Variants in ADAMTS12 observed in about 807,000 individuals in gnomAD.
ADAMTS12 encodes ADAM metallopeptidase with thrombospondin type 1 motif 12.
Under a neutral mutation model 167.8 loss-of-function variants are expected in ADAMTS12, and 118 were observed. The observed-to-expected ratio is 0.70, with a 90% CI of 0.61 to 0.82. ADAMTS12 has a LOEUF of 0.82. ADAMTS12 is among the 40% of genes least tolerant of loss of function. The probability of loss-of-function intolerance (pLI) is 0.00; values close to 1 mark genes in which losing one functional copy is unlikely to be tolerated. For missense variants in ADAMTS12, 1,916 were observed against 1,998.8 expected (o/e 0.96, Z 0.79); for synonymous variants, 704 against 716.9 (o/e 0.98, Z 0.29).
At chr5:33,528,649 A>C (rs1579622456) in intron 23 of ADAMTS12, among the ~76,000 whole-genome samples, 1 of 152,246 alleles carries the variant, frequency 6.6e-6, no homozygotes, top group East Asian at 1.9e-4. Flanking sequence ...CAGCTGATAA[A>C]TGGCATAGCC....
At chr5:33,784,628 C>T (rs1045839721) in intron 2 of ADAMTS12, among the ~76,000 whole-genome samples, 12 of 151,698 alleles carry the variant, frequency 7.9e-5, no homozygotes, top group African/African-American at 2.7e-4. Context: ...TACAAATTAA[C>T]GTTTAAGTCA....
chr5:33,627,558 G>A (rs1374218715), intron 13 of ADAMTS12, among the ~76,000 whole-genome samples: 2 of 151,980 alleles, frequency 1.3e-5, no homozygotes, highest in Non-Finnish European at 2.9e-5. Context: ...GAGGAGAGTT[G>A]AGAAAGACTC....
intron 3 of ADAMTS12, among the ~76,000 whole-genome samples, chr5:33,739,485 G>A (rs1744490812): frequency 6.6e-6 from 1 of 152,216 alleles, no homozygotes; most frequent in South Asian, 2.1e-4. Context: ...GCATGTGCAT[G>A]CATGTGTGCA....
At position 33,853,084 on chromosome 5, in the gene ADAMTS12, G is replaced by A. The variant is rs1195120523; in HGVS notation, c.489+28035C>T. ...CTGTCTGCATGGGTACTGTCCTCCC[G>A]GAACCGAGCAGGGAGCCTAATTCTT... is the stretch of plus-strand genomic sequence containing the variant. On this transcript the variant is annotated intron_variant, in intron 2 of 23. Coordinates refer to ENST00000504830, the MANE Select transcript of ADAMTS12 (RefSeq NM_030955.4). Among the ~76,000 whole-genome samples, 4 of 152,180 alleles carry A rather than the reference G, an allele frequency of 2.6e-5. No homozygotes were observed. The South Asian group carries it at 8.3e-4, about 32-fold the overall frequency.
chr5:33,857,771 A>G (rs975824859), intron 2 of ADAMTS12, among the ~76,000 whole-genome samples: 2 of 152,246 alleles, frequency 1.3e-5, no homozygotes, highest in African/African-American at 4.8e-5. Flanking sequence ...AACATTATAC[A>G]ATGATAACCA....
intron 2 of ADAMTS12, among the ~76,000 whole-genome samples, chr5:33,835,557 T>C (rs755949452): frequency 1.3e-4 from 20 of 152,218 alleles, no homozygotes; most frequent in Non-Finnish European, 2.5e-4. Flanking sequence ...TCCTAGTTCA[T>C]AGGTGGTACA....
At chr5:33,624,101 T>C in intron 14 of ADAMTS12, 130 bp downstream of exon 14, 2 of 1,404,674 alleles carry the variant, frequency 1.4e-6, no homozygotes, top group Non-Finnish European at 9.7e-7. Context: ...AAGGCTATAT[T>C]CCATTTTGAA....
chr5:33,547,248 G>C (rs983603684), intron 21 of ADAMTS12, among the ~76,000 whole-genome samples: 2 of 152,126 alleles, frequency 1.3e-5, no homozygotes, highest in Non-Finnish European at 2.9e-5. Flanking sequence ...GTTCTCAAAT[G>C]CTCCTCAGAC....
chr5:33,549,132 C>A lies in ADAMTS12; in HGVS notation c.4302+75G>T, dbSNP rs997273839. 7.8e-6 allele frequency: 12 copies of A among 1,531,664 alleles called. No individual in the cohort carries two copies. In the Admixed American group the frequency reaches 1.7e-4, roughly 21 times the overall value. 94.9% of individuals were successfully genotyped at this position (1,531,664 alleles called of 1,614,324 possible). A position where few individuals can be genotyped will look rare whatever the true frequency, so the allele number is the denominator to read the frequency against. ...CAGGTGTGGTCTTCCCTGATTTCTA[C>A]ACTTATGCAGTAACACAGAGATTCA... On this transcript the variant is annotated intron_variant, in intron 21 of 23. Coordinates refer to ENST00000504830, the MANE Select transcript of ADAMTS12 (RefSeq NM_030955.4).
At chr5:33,858,175 G>T (rs1749477055) in intron 2 of ADAMTS12, among the ~76,000 whole-genome samples, 1 of 152,168 alleles carries the variant, frequency 6.6e-6, no homozygotes, top group South Asian at 2.1e-4. Context: ...ATAACAGAAA[G>T]ATAACAGGAA....
intron 2 of ADAMTS12, among the ~76,000 whole-genome samples, chr5:33,832,450 T>C (rs1370697440): frequency 6.6e-6 from 1 of 152,198 alleles, no homozygotes; most frequent in East Asian, 1.9e-4. Context: ...AGTCACTATA[T>C]GAAAACTGAA....
intron 1 of ADAMTS12, among the ~76,000 whole-genome samples, chr5:33,882,831 T>G (rs1250699447): frequency 6.6e-6 from 1 of 152,186 alleles, no homozygotes; most frequent in East Asian, 1.9e-4. Flanking sequence ...CCTCAGGTGA[T>G]CCACCCACCT....
At chr5:33,683,178 T>C (rs1011070435) in intron 4 of ADAMTS12, 77 bp from the exon 5 acceptor site, 217 of 1,132,046 alleles carry the variant, frequency 1.9e-4, no homozygotes, top group Admixed American at 2.2e-4. Flanking sequence ...AATAGCATTG[T>C]AATGCACATA....
intron 20 of ADAMTS12, among the ~76,000 whole-genome samples, chr5:33,560,429 C>T (rs1745683477): frequency 6.6e-6 from 1 of 152,114 alleles, no homozygotes; most frequent in African/African-American, 2.4e-5. Context: ...TGGGCATATA[C>T]CCAAAGGAAT....
chr5:33,854,591 C>A (rs1216541665), intron 2 of ADAMTS12, among the ~76,000 whole-genome samples: 2 of 152,198 alleles, frequency 1.3e-5, no homozygotes, highest in East Asian at 3.9e-4. Context: ...AAGAAGAAAA[C>A]AATGCTGCTT....
chr5:33,702,430 A>T (rs1161235619), intron 3 of ADAMTS12, among the ~76,000 whole-genome samples: 1 of 152,238 alleles, frequency 6.6e-6, no homozygotes, highest in African/African-American at 2.4e-5. Flanking sequence ...AATACTTTCC[A>T]TCATCTCCTG....
chr5:33,591,543 C>T (rs1747638404), intron 17 of ADAMTS12, among the ~76,000 whole-genome samples: 1 of 152,188 alleles, frequency 6.6e-6, no homozygotes, highest in African/African-American at 2.4e-5. Context: ...ACCATGACTA[C>T]AGTATAAGCA....
At chr5:33,773,615 A>G (rs1219679996) in intron 2 of ADAMTS12, among the ~76,000 whole-genome samples, 1 of 152,106 alleles carries the variant, frequency 6.6e-6, no homozygotes, top group African/African-American at 2.4e-5. Flanking sequence ...GTAGCATGAA[A>G]CTAAGTCTGT....
intron 2 of ADAMTS12, among the ~76,000 whole-genome samples, chr5:33,849,084 TATATATGTATTGCATAGCA>T (rs1749073418): frequency 7.0e-6 from 1 of 143,810 alleles, no homozygotes; most frequent in Admixed American, 7.0e-5. Flanking sequence ...CATAGCAATA[TATATATGTATTGCATAGCA>T]ATATATATAT....
Sources: allele counts gnomAD v4.1 joint callset (sites outside exome capture counted in the v4.1 genomes callset), GRCh38; gene constraint gnomAD v4.1.1; transcripts MANE v1.5; gene names NCBI Gene and HGNC (gene_info 2026-07-23, HGNC 2026-07-21).